Variants in LRRC4C observed in about 807,000 individuals in gnomAD.
LRRC4C encodes leucine rich repeat containing 4C.
In LRRC4C, 5 loss-of-function variants were observed where a neutral mutation model predicts 33.6. The ratio of observed to expected loss-of-function variants is 0.15; its 90% confidence interval spans 0.08 to 0.31. The LOEUF (loss-of-function observed/expected upper bound fraction) is 0.31, where lower values mean the gene tolerates loss of function less well. Ranked by LOEUF, LRRC4C falls within the 10% of genes least tolerant of loss-of-function variation. The pLI is 1.00. For missense variants in LRRC4C, 560 were observed against 796.7 expected (o/e 0.70, Z 3.58); for synonymous variants, 329 against 302.0 (o/e 1.09, Z -0.93).
rs549141363 is a variant in LRRC4C at position 40,145,262 on chromosome 11, T to C, written c.-95-4409A>G. 1.7e-3 allele frequency among the ~76,000 whole-genome samples: 253 copies of C among 152,158 alleles called. 1 individual carries two copies. Among genetic ancestry groups the C allele is most frequent in the Non-Finnish European group, 3.2e-3 (220 of 68,028 alleles). ...CATGATTACAGAGAATCTCATCAAA[T>C]TGTCACCTCCTAGGTCAAAAACTGG... On this transcript the variant is annotated intron_variant, in intron 5 of 6. Coordinates refer to ENST00000528697, the MANE Select transcript of LRRC4C (RefSeq NM_001258419.2).
Position 40,665,485 on chromosome 11 carries a change from G to A in LRRC4C, c.-406-17207C>T, listed in dbSNP as rs11036003. Among the ~76,000 whole-genome samples, 811 of 150,074 alleles carry A rather than the reference G, an allele frequency of 5.4e-3. 6 individuals are homozygous for A. Among genetic ancestry groups the A allele is most frequent in the Non-Finnish European group, 8.7e-3 (590 of 67,584 alleles). On this transcript the variant is annotated intron_variant, in intron 2 of 6. Transcript: ENST00000528697. ...ATTTCTATTGTGTTATAAGGCTTAT[G>A]CACATTTTTGGCACAATGAGTCCTG...
chr11:40,181,945 A>G (rs1861040551), intron 5 of LRRC4C, among the ~76,000 whole-genome samples: 1 of 152,086 alleles, frequency 6.6e-6, no homozygotes. Context: ...GTGGACACAA[A>G]ATGAGAGTGA....
At chr11:40,864,973 A>G (rs1954282194) in intron 2 of LRRC4C, among the ~76,000 whole-genome samples, 1 of 152,174 alleles carries the variant, frequency 6.6e-6, no homozygotes, top group Non-Finnish European at 1.5e-5. Context: ...AAACCATAAC[A>G]AAAAGCCACA....
chr11:40,419,176 A>C (rs1950435821), intron 3 of LRRC4C, among the ~76,000 whole-genome samples: 1 of 152,160 alleles, frequency 6.6e-6, no homozygotes, highest in Admixed American at 6.5e-5. Context: ...GAACTCAGAA[A>C]ACTGTAAGAA....
chr11:41,158,356 A>C (rs1366849378), intron 1 of LRRC4C, among the ~76,000 whole-genome samples: 1 of 152,112 alleles, frequency 6.6e-6, no homozygotes, highest in Non-Finnish European at 1.5e-5. Context: ...AAAAGTAATC[A>C]TTAGATTGGT....
intron 2 of LRRC4C, among the ~76,000 whole-genome samples, chr11:40,737,540 C>T (rs142534690): frequency 0.02 from 3,013 of 151,410 alleles, 100 homozygotes; most frequent in African/African-American, 0.069. Flanking sequence ...ACAAGATCTA[C>T]GTGCGAAAAT....
intron 3 of LRRC4C, among the ~76,000 whole-genome samples, chr11:40,510,936 G>A (rs1227649648): frequency 6.6e-6 from 1 of 152,046 alleles, no homozygotes; most frequent in Non-Finnish European, 1.5e-5. Flanking sequence ...AGATTTTGAA[G>A]GAAAAACAAA....
rs1944728895 is a variant in LRRC4C at position 40,682,274 on chromosome 11, A to G, written c.-406-33996T>C. ...GACAAAGTGAGGCCCCACCTTGAAA[A>G]AAAAAAAAAGCATAAAAGTAACTCA... On this transcript the variant is annotated intron_variant, in intron 2 of 6. Transcript: ENST00000528697. 2.6e-5 allele frequency among the ~76,000 whole-genome samples: 4 copies of G among 151,870 alleles called. No individual in the cohort carries two copies. In the South Asian group the frequency reaches 8.3e-4, roughly 31 times the overall value.
chr11:40,785,892 G>A (rs1950391600), intron 2 of LRRC4C, among the ~76,000 whole-genome samples: 1 of 140,330 alleles, frequency 7.1e-6, no homozygotes, highest in South Asian at 2.2e-4. Flanking sequence ...TAGATGAACA[G>A]TAGATATTGT....
At position 40,317,184 on chromosome 11, in the gene LRRC4C, TG is replaced by T. The variant is rs1298325773; in HGVS notation, c.-176+2443del. Among the ~76,000 whole-genome samples, 5 of 144,128 alleles carry T rather than the reference TG, an allele frequency of 3.5e-5. No homozygotes were observed. In the Admixed American group the frequency reaches 3.8e-4, roughly 11 times the overall value. 94.6% of individuals were successfully genotyped at this position (144,128 alleles called of 152,430 possible). A position where few individuals can be genotyped will look rare whatever the true frequency, so the allele number is the denominator to read the frequency against. On this transcript the variant is annotated intron_variant, in intron 4 of 6. Coordinates refer to ENST00000528697, the MANE Select transcript of LRRC4C (RefSeq NM_001258419.2). ...GTAAAGGTCCTAAATTAGGGTATTTTGTTTTTTTTTTTAGGAGCAGGACATC... is the reference window on the plus strand; with the variant it reads ...GTAAAGGTCCTAAATTAGGGTATTTTTTTTTTTTTTTAGGAGCAGGACATC...
chr11:40,185,858 C>T (rs1177237741), intron 5 of LRRC4C, among the ~76,000 whole-genome samples: 1 of 152,006 alleles, frequency 6.6e-6, no homozygotes, highest in Non-Finnish European at 1.5e-5. Context: ...ACGTCCAGGA[C>T]CCTGGAATGT....
chr11:41,362,156 G>A (rs1952377293), intron 1 of LRRC4C, among the ~76,000 whole-genome samples: 1 of 152,058 alleles, frequency 6.6e-6, no homozygotes, highest in East Asian at 1.9e-4. Flanking sequence ...ATCTCAATGG[G>A]GAAGGTCCAG....
At chr11:41,285,770 T>G (rs922890865) in intron 1 of LRRC4C, among the ~76,000 whole-genome samples, 1 of 152,216 alleles carries the variant, frequency 6.6e-6, no homozygotes, top group Non-Finnish European at 1.5e-5. Context: ...CTGGTCTTAA[T>G]GTCATGGTCA....
At chr11:40,279,844 T>C (rs1194847879) in intron 4 of LRRC4C, among the ~76,000 whole-genome samples, 2 of 152,220 alleles carry the variant, frequency 1.3e-5, no homozygotes, top group East Asian at 1.9e-4. Context: ...ACTCAGTATA[T>C]GGCATTTATT....
At chr11:40,126,177 A>C (rs1208218086) in intron 6 of LRRC4C, among the ~76,000 whole-genome samples, 24 of 151,632 alleles carry the variant, frequency 1.6e-4, no homozygotes, top group Admixed American at 1.4e-3. Flanking sequence ...AAAAAAAAAA[A>C]CCCACCTGAC....
chr11:41,309,351 C>T (rs1157533853), intron 1 of LRRC4C, among the ~76,000 whole-genome samples: 2 of 152,174 alleles, frequency 1.3e-5, no homozygotes, highest in East Asian at 3.9e-4. Context: ...ACTAAGAAGG[C>T]TGAGGATGGT....
chr11:40,243,213 A>C (rs550997842), intron 4 of LRRC4C, among the ~76,000 whole-genome samples: 9 of 152,182 alleles, frequency 5.9e-5, no homozygotes, highest in Non-Finnish European at 1.2e-4. Context: ...TTGGTTTAAA[A>C]AGGTAAATTT....
chr11:41,249,622 C>G (rs1052837241), intron 1 of LRRC4C, among the ~76,000 whole-genome samples: 62 of 152,268 alleles, frequency 4.1e-4, no homozygotes, highest in African/African-American at 1.4e-3. Flanking sequence ...GTTCCTTAAA[C>G]AGCCCTAGGA....
chr11:41,155,176 C>G (rs1272992308), intron 1 of LRRC4C, among the ~76,000 whole-genome samples: 1 of 152,102 alleles, frequency 6.6e-6, no homozygotes, highest in African/African-American at 2.4e-5. Context: ...CATTGCCACT[C>G]ACAGTTTGGG....
Sources: allele counts gnomAD v4.1 joint callset (sites outside exome capture counted in the v4.1 genomes callset), GRCh38; gene constraint gnomAD v4.1.1; transcripts MANE v1.5; gene names NCBI Gene and HGNC (gene_info 2026-07-23, HGNC 2026-07-21).